DPYD: variants seen among roughly 807,000 people sequenced by gnomAD.
The protein encoded by DPYD is dihydropyrimidine dehydrogenase [NADP(+)].
Under a neutral mutation model 116.2 loss-of-function variants are expected in DPYD, and 109 were observed. The observed-to-expected ratio is 0.94, with a 90% confidence interval of 0.80 to 1.10. The LOEUF is 1.10. Ranked by LOEUF, DPYD falls within the 50% of genes least tolerant of loss-of-function variation. The probability of loss-of-function intolerance (pLI) is 0.00; values close to 1 mark genes in which losing one functional copy is unlikely to be tolerated. For synonymous variants in DPYD, 440 were observed against 432.0 expected (o/e 1.02, Z -0.23); for missense variants, 1,302 against 1,254.5 (o/e 1.04, Z -0.57).
chr1:97,156,520 T>C (rs1655471482), intron 20 of DPYD, among the ~76,000 whole-genome samples: 3 of 152,110 alleles, frequency 2.0e-5, no homozygotes, highest in South Asian at 4.1e-4. Flanking sequence ...GAAAAAATGC[T>C]CACCATCACT....
At chr1:97,567,525 C>T (rs1419273628) in intron 11 of DPYD, among the ~76,000 whole-genome samples, 1 of 152,038 alleles carries the variant, frequency 6.6e-6, no homozygotes, top group Admixed American at 6.6e-5. Context: ...ACAGAAGGGT[C>T]GTATCTTCCC....
intron 18 of DPYD, among the ~76,000 whole-genome samples, chr1:97,260,618 T>C (rs938334933): frequency 9.2e-5 from 14 of 152,096 alleles, no homozygotes; most frequent in African/African-American, 3.4e-4. Context: ...ATGAAATAGT[T>C]GCATGGATAA....
At chr1:97,137,437 T>C (rs576675386) in intron 20 of DPYD, among the ~76,000 whole-genome samples, 1 of 152,336 alleles carries the variant, frequency 6.6e-6, no homozygotes, top group South Asian at 2.1e-4. Flanking sequence ...GACTATTTAG[T>C]ACATTGTGTA....
At chr1:97,786,845 T>C (rs866189785) in intron 3 of DPYD, among the ~76,000 whole-genome samples, 8 of 152,230 alleles carry the variant, frequency 5.3e-5, no homozygotes, top group Non-Finnish European at 7.4e-5. Context: ...ATATAGTATA[T>C]ACCTGAAAGA....
intron 16 of DPYD, among the ~76,000 whole-genome samples, chr1:97,335,056 T>A (rs928587565): frequency 6.6e-6 from 1 of 152,182 alleles, no homozygotes; most frequent in Non-Finnish European, 1.5e-5. Context: ...GACAAACTTC[T>A]AGAGAAAATA....
At chr1:97,711,015 T>G (rs1274661423) in intron 5 of DPYD, among the ~76,000 whole-genome samples, 1 of 151,906 alleles carries the variant, frequency 6.6e-6, no homozygotes, top group Non-Finnish European at 1.5e-5. Flanking sequence ...CAATTTATTG[T>G]GAAGATTAGA....
At chr1:97,477,871 C>T (rs1358999452) in intron 13 of DPYD, among the ~76,000 whole-genome samples, 1 of 152,078 alleles carries the variant, frequency 6.6e-6, no homozygotes, top group African/African-American at 2.4e-5. Flanking sequence ...CCACCCGCCT[C>T]GGCCTCCCAA....
chr1:97,296,710 A>T (rs1666558449), intron 18 of DPYD, among the ~76,000 whole-genome samples: 1 of 152,148 alleles, frequency 6.6e-6, no homozygotes, highest in Non-Finnish European at 1.5e-5. Context: ...ATATTTTGTT[A>T]AAGAGTACTT....
At chr1:97,428,296 T>C (rs1245621295) in intron 14 of DPYD, among the ~76,000 whole-genome samples, 1 of 152,094 alleles carries the variant, frequency 6.6e-6, no homozygotes, top group Non-Finnish European at 1.5e-5. Flanking sequence ...TGCTCCATGA[T>C]TTTCCCCCAT....
chr1:97,634,854 T>C (rs1228882275), intron 8 of DPYD, among the ~76,000 whole-genome samples: 3 of 151,622 alleles, frequency 2.0e-5, no homozygotes, highest in East Asian at 1.9e-4. Context: ...TCAGGAGTTT[T>C]AGGGACAAAG....
intron 16 of DPYD, among the ~76,000 whole-genome samples, chr1:97,350,676 T>C: frequency 6.6e-6 from 1 of 152,148 alleles, no homozygotes; most frequent in South Asian, 2.1e-4. Context: ...ATGCTGTGAG[T>C]CACAAAATCA....
intron 9 of DPYD, among the ~76,000 whole-genome samples, chr1:97,594,168 A>G (rs1167406740): frequency 6.6e-6 from 1 of 152,200 alleles, no homozygotes; most frequent in South Asian, 2.1e-4. Flanking sequence ...ATAATTTTTT[A>G]AATGGTACCA....
chr1:97,612,212 G>T (rs1655990640), intron 8 of DPYD, among the ~76,000 whole-genome samples: 1 of 151,850 alleles, frequency 6.6e-6, no homozygotes, highest in Non-Finnish European at 1.5e-5. Context: ...TTGTCTCTGT[G>T]GAGTTTCATT....
At chr1:97,305,589 A>T (rs74104344) in intron 17 of DPYD, among the ~76,000 whole-genome samples, 223 of 152,132 alleles carry the variant, frequency 1.5e-3, no homozygotes, top group African/African-American at 5.3e-3. Flanking sequence ...ACTTTCTCAA[A>T]TATTATACAG....
intron 2 of DPYD, among the ~76,000 whole-genome samples, chr1:97,831,131 A>G (rs1480071899): frequency 1.3e-5 from 2 of 152,244 alleles, no homozygotes; most frequent in Admixed American, 1.3e-4. Context: ...AGAAATTGAA[A>G]TCAAATCTAT....
rs1357374959 is a variant in DPYD, at chr1:97,724,325, T to G, written c.322-2654A>C. On this transcript the variant is annotated intron_variant, in intron 4 of 22. Coordinates refer to ENST00000370192, the MANE Select transcript of DPYD (RefSeq NM_000110.4). ...GGGGGGGGGTGTGTGTGTGTGTGTGTGTGTGTGTGTGTGTGTGTGTGTGTG... is the reference window on the plus strand; with the variant it reads ...GGGGGGGGGTGTGTGTGTGTGTGTGGGTGTGTGTGTGTGTGTGTGTGTGTG... 6.9e-5 allele frequency among the ~76,000 whole-genome samples: 5 copies of G among 72,190 alleles called. 1 individual carries two copies. Among genetic ancestry groups the G allele is most frequent in the African/African-American group, 2.2e-4 (4 of 17,796 alleles). The allele number at this position is 72,190 out of a possible 152,430, so 47.4% of individuals were successfully genotyped here. A position where few individuals can be genotyped will look rare whatever the true frequency, so the allele number is the denominator to read the frequency against.
At chr1:97,160,206 T>C (rs952794657) in intron 20 of DPYD, among the ~76,000 whole-genome samples, 2 of 152,020 alleles carry the variant, frequency 1.3e-5, no homozygotes, top group Non-Finnish European at 2.9e-5. Flanking sequence ...TTAAAGGACA[T>C]GGAATTAAAG....
intron 18 of DPYD, among the ~76,000 whole-genome samples, chr1:97,251,188 G>C (rs1244940052): frequency 6.6e-6 from 1 of 152,014 alleles, no homozygotes; most frequent in Non-Finnish European, 1.5e-5. Flanking sequence ...CCTGAGGTCA[G>C]GAGTTCGAGA....
Position 97,666,100 on chromosome 1 carries a change from T to C in DPYD, c.850+12995A>G, listed in dbSNP as rs1045407597. On this transcript the variant is annotated intron_variant, in intron 8 of 22. Transcript: ENST00000370192. Reference sequence around the variant, plus strand: ...AACCATTCATTAATAGTGTTTAAGATATACTTTCAGAACCATCAGTCACTT... The same window carrying C: ...AACCATTCATTAATAGTGTTTAAGACATACTTTCAGAACCATCAGTCACTT... 2.0e-5 allele frequency among the ~76,000 whole-genome samples: 3 copies of C among 152,226 alleles called. No homozygotes were observed. The South Asian group carries it at 6.2e-4, about 31-fold the overall frequency.
Sources: allele counts gnomAD v4.1 joint callset (sites outside exome capture counted in the v4.1 genomes callset), GRCh38; gene constraint gnomAD v4.1.1; transcripts MANE v1.5; gene names NCBI Gene and HGNC (gene_info 2026-07-23, HGNC 2026-07-21).